The following TNFSF11 variants were observed in gnomAD, a reference collection of about 807,000 sequenced individuals.
The protein encoded by TNFSF11 is TNF superfamily member 11.
A neutral mutation model predicts 32.2 loss-of-function variants in TNFSF11; 12 were observed. The ratio of observed to expected loss-of-function variants is 0.37; its 90% CI spans 0.24 to 0.60. The LOEUF is 0.60. TNFSF11 is among the 20% of genes least tolerant of loss of function. The pLI, the probability that TNFSF11 is intolerant of heterozygous loss-of-function variation, is 0.66. For missense variants in TNFSF11, 345 were observed against 398.0 expected, an observed-to-expected ratio of 0.87 and a Z score of 1.13; for synonymous variants, 172 against 152.1, an observed-to-expected ratio of 1.13 and a Z score of -0.96.
chr13:42,597,910 C>T (rs1868911148), intron 2 of TNFSF11, among the ~76,000 whole-genome samples: 1 of 152,038 alleles, frequency 6.6e-6, no homozygotes, highest in Non-Finnish European at 1.5e-5. Context: ...AGTGCAGTGG[C>T]ACGTCACAGC....
chr13:42,575,756 C>G (rs1449324069), intron 1 of TNFSF11, among the ~76,000 whole-genome samples: 2 of 152,330 alleles, frequency 1.3e-5, no homozygotes. Context: ...TAAATATAAT[C>G]TACTCATTGA....
At chr13:42,590,144 G>A (rs1212109990) in intron 2 of TNFSF11, among the ~76,000 whole-genome samples, 1 of 152,216 alleles carries the variant, frequency 6.6e-6, no homozygotes, top group Non-Finnish European at 1.5e-5. Context: ...CAGCCCCAGT[G>A]GCAAGCACAT....
chr13:42,583,740 A>G (rs1459205083), intron 2 of TNFSF11, among the ~76,000 whole-genome samples: 1 of 152,110 alleles, frequency 6.6e-6, no homozygotes, highest in Non-Finnish European at 1.5e-5. Context: ...ACATAAGAGC[A>G]TGTTTCTTAA....
upstream of TNFSF11, among the ~76,000 whole-genome samples, chr13:42,572,947 G>A (rs909230635): frequency 5.3e-5 from 8 of 152,018 alleles, no homozygotes; most frequent in East Asian, 1.9e-4. Flanking sequence ...ACCCCTCCCC[G>A]CAAATACCAA....
intron 1 of TNFSF11, among the ~76,000 whole-genome samples, chr13:42,563,755 G>A (rs1044343343): frequency 6.6e-6 from 1 of 152,012 alleles, no homozygotes; most frequent in Non-Finnish European, 1.5e-5. Flanking sequence ...TTGGTTTTAA[G>A]GTTTTTTTCT....
At chr13:42,587,089 A>C (rs1873935089) in intron 2 of TNFSF11, among the ~76,000 whole-genome samples, 1 of 152,234 alleles carries the variant, frequency 6.6e-6, no homozygotes, top group Non-Finnish European at 1.5e-5. Context: ...GACGTGAGTC[A>C]TCCAGGACCA....
intron 2 of TNFSF11, among the ~76,000 whole-genome samples, chr13:42,597,199 T>C (rs1349400928): frequency 6.6e-6 from 1 of 152,082 alleles, no homozygotes; most frequent in Non-Finnish European, 1.5e-5. Flanking sequence ...GCGCTCTCTT[T>C]TTGACTCTGA....
chr13:42,580,110 T>C (rs1201888217), intron 1 of TNFSF11, among the ~76,000 whole-genome samples: 3 of 152,252 alleles, frequency 2.0e-5, no homozygotes, highest in Admixed American at 6.5e-5. Flanking sequence ...TCGCTTAGTT[T>C]GTACATGCTA....
At chr13:42,566,030 A>G (rs1872857170) in intron 1 of TNFSF11, among the ~76,000 whole-genome samples, 1 of 152,232 alleles carries the variant, frequency 6.6e-6, no homozygotes. Context: ...TTAGGACCTA[A>G]GGAGACAGTA....
intron 1 of TNFSF11, among the ~76,000 whole-genome samples, chr13:42,577,984 G>C (rs1403454920): frequency 6.6e-6 from 1 of 152,180 alleles, no homozygotes; most frequent in Non-Finnish European, 1.5e-5. Flanking sequence ...TCAGTTTACT[G>C]TGACTTTTGG....
At chr13:42,600,615 T>A in intron 2 of TNFSF11, 137 bp from the exon 3 acceptor site, 1 of 935,690 alleles carries the variant, frequency 1.1e-6, no homozygotes, top group South Asian at 1.6e-5. Flanking sequence ...CATATAGGAA[T>A]TTCACTGCCA....
Position 42,574,295 on chromosome 13 carries a change from C to G in TNFSF11, c.-9C>G. ...GGAGGAGAGCTCCGAAGCGAGAGGGCCGAGCGCCATGCGCCGCGCCAGCAG... is the reference window on the plus strand; with the variant it reads ...GGAGGAGAGCTCCGAAGCGAGAGGGGCGAGCGCCATGCGCCGCGCCAGCAG... On this transcript the variant is annotated 5_prime_UTR_variant, in exon 1 of 5. Transcript: ENST00000398795. 1 of 1,545,758 alleles carries G rather than the reference C, an allele frequency of 6.5e-7. No homozygotes were observed. The highest frequency in any genetic ancestry group is 8.7e-7 in the Non-Finnish European group (1 of 1,145,706).
chr13:42,583,431 A>AG (rs1420908109), intron 2 of TNFSF11, among the ~76,000 whole-genome samples: 2 of 91,430 alleles, frequency 2.2e-5, no homozygotes, highest in African/African-American at 3.7e-5. Context: ...AAAAAAAAAA[A>AG]AAAAAAAGAA....
chr13:42,565,078 A>G (rs1872821179), intron 1 of TNFSF11, among the ~76,000 whole-genome samples: 1 of 152,178 alleles, frequency 6.6e-6, no homozygotes. Context: ...CACTACACCT[A>G]TCTGTGTTTA....
At chr13:42,571,292 A>G (rs1185582914), upstream of TNFSF11, among the ~76,000 whole-genome samples, 2 of 152,224 alleles carry the variant, frequency 1.3e-5, no homozygotes, top group Non-Finnish European at 2.9e-5. Context: ...CCAGTTAGGT[A>G]GTATTTGAAG....
chr13:42,600,399 G>A (rs1048281506), intron 2 of TNFSF11, among the ~76,000 whole-genome samples: 2 of 152,206 alleles, frequency 1.3e-5, no homozygotes, highest in Non-Finnish European at 2.9e-5. Flanking sequence ...TATATTCTGT[G>A]TAGTTGTTAT....
chr13:42,588,234 A>G (rs576844381), intron 2 of TNFSF11, among the ~76,000 whole-genome samples: 1 of 152,378 alleles, frequency 6.6e-6, no homozygotes, highest in Non-Finnish European at 1.5e-5. Flanking sequence ...AACCAAGGCC[A>G]TCTATTGGCT....
chr13:42,570,858 A>T (rs1302928489), upstream of TNFSF11, among the ~76,000 whole-genome samples: 2 of 152,134 alleles, frequency 1.3e-5, no homozygotes, highest in African/African-American at 4.8e-5. Flanking sequence ...CCACATTTGC[A>T]TTGTACTAAG....
intron 4 of TNFSF11, among the ~76,000 whole-genome samples, chr13:42,602,411 C>T (rs1447475305): frequency 1.3e-5 from 2 of 151,954 alleles, no homozygotes; most frequent in Admixed American, 1.3e-4. Context: ...AAGTTTTTCT[C>T]GGAGTTAAAG....
Sources: allele counts gnomAD v4.1 joint callset (sites outside exome capture counted in the v4.1 genomes callset), GRCh38; gene constraint gnomAD v4.1.1; transcripts MANE v1.5; gene names NCBI Gene and HGNC (gene_info 2026-07-23, HGNC 2026-07-21).